Variants in PRKD1 observed in about 807,000 individuals in gnomAD.
PRKD1 encodes the protein serine/threonine-protein kinase D1.
PRKD1 carries 63 observed loss-of-function variants against 95.9 expected under a neutral mutation model. The ratio of observed to expected loss-of-function variants is 0.66; its 90% CI spans 0.54 to 0.81. The LOEUF is 0.81. Among genes scored for constraint, PRKD1 ranks in the 30% least tolerant of loss-of-function variants. PRKD1 has a pLI of 0.00. For missense variants in PRKD1, 1,048 were observed against 1,165.3 expected (o/e 0.90, Z 1.47); for synonymous variants, 425 against 423.1 (o/e 1.00, Z -0.05).
At chr14:29,826,895 C>A (rs1891220275) in intron 1 of PRKD1, among the ~76,000 whole-genome samples, 1 of 108,110 alleles carries the variant, frequency 9.2e-6, no homozygotes, top group African/African-American at 3.6e-5. Context: ...ACTACTCAGC[C>A]ATAAAAAGAA....
chr14:29,640,163 A>G (rs2139141798), intron 4 of PRKD1, among the ~76,000 whole-genome samples: 2 of 152,332 alleles, frequency 1.3e-5, no homozygotes, highest in South Asian at 2.1e-4. Context: ...ATCTAAGCTC[A>G]TAAAGTTTAA....
intron 16 of PRKD1, chr14:29,591,266 G>A (rs1893117487): frequency 1.3e-5 from 2 of 152,080 alleles, no homozygotes; most frequent in African/African-American, 4.8e-5. Flanking sequence ...ACATGAACAA[G>A]TTACATGTCC....
At chr14:29,621,475 TG>T (rs1486652896) in intron 13 of PRKD1, among the ~76,000 whole-genome samples, 1 of 152,002 alleles carries the variant, frequency 6.6e-6, no homozygotes, top group Non-Finnish European at 1.5e-5. Context: ...CATTTTCATT[TG>T]GGGGACATGA....
chr14:29,598,628 C>G lies in PRKD1; in HGVS notation c.2166+399G>C, dbSNP rs577348570. Among the ~76,000 whole-genome samples, 28 of 152,302 alleles carry G rather than the reference C, an allele frequency of 1.8e-4. No individual in the cohort carries two copies. In the South Asian group the frequency reaches 2.9e-3, roughly 16 times the overall value. ...TCACATCAGTCAAGTCACTTCAGAC[C>G]TATAATTCCCTGCGGAGATAGCTGG... On this transcript the variant is annotated intron_variant, in intron 15 of 17. Transcript: ENST00000331968.
intron 8 of PRKD1, among the ~76,000 whole-genome samples, chr14:29,633,579 A>G (rs377562186): frequency 2.6e-5 from 4 of 152,202 alleles, no homozygotes; most frequent in African/African-American, 7.2e-5. Context: ...CACTGTAGGT[A>G]TATCTTTCAG....
At chr14:29,723,138 A>G (rs376531967) in intron 2 of PRKD1, among the ~76,000 whole-genome samples, 2 of 152,226 alleles carry the variant, frequency 1.3e-5, no homozygotes. Context: ...ATGTATGTTA[A>G]CAAAACCAAG....
chr14:29,675,625 C>A (rs1053280036), intron 2 of PRKD1, among the ~76,000 whole-genome samples: 13 of 152,124 alleles, frequency 8.5e-5, no homozygotes, highest in Non-Finnish European at 4.4e-5. Flanking sequence ...CATCCCATTA[C>A]TGGGTATATA....
chr14:29,603,544 G>C (rs1168232148), intron 13 of PRKD1, among the ~76,000 whole-genome samples: 1 of 152,098 alleles, frequency 6.6e-6, no homozygotes, highest in East Asian at 1.9e-4. Flanking sequence ...CCATTTTCAT[G>C]TGTAATTATT....
At chr14:29,684,484 T>A (rs1459186352) in intron 2 of PRKD1, among the ~76,000 whole-genome samples, 1 of 152,244 alleles carries the variant, frequency 6.6e-6, no homozygotes, top group African/African-American at 2.4e-5. Flanking sequence ...GACATTGTTA[T>A]CACCTTTTAT....
intron 7 of PRKD1, among the ~76,000 whole-genome samples, chr14:29,635,416 T>C (rs1241992437): frequency 6.6e-6 from 1 of 152,170 alleles, no homozygotes; most frequent in Non-Finnish European, 1.5e-5. Context: ...GAAGTGTATG[T>C]CTTCAAAAGA....
intron 4 of PRKD1, among the ~76,000 whole-genome samples, chr14:29,655,360 A>C (rs1316704969): frequency 6.6e-6 from 1 of 152,190 alleles, no homozygotes; most frequent in Non-Finnish European, 1.5e-5. Context: ...TAGCTTATGA[A>C]TCAGAAATCT....
At chr14:29,775,960 A>C (rs1432472645) in intron 1 of PRKD1, among the ~76,000 whole-genome samples, 1 of 152,204 alleles carries the variant, frequency 6.6e-6, no homozygotes, top group East Asian at 1.9e-4. Context: ...CCAGAGGAAC[A>C]ATCAGGCAGC....
At chr14:29,619,213 C>G (rs1879079974) in intron 13 of PRKD1, among the ~76,000 whole-genome samples, 1 of 151,914 alleles carries the variant, frequency 6.6e-6, no homozygotes, top group Non-Finnish European at 1.5e-5. Context: ...AAGCCAACCC[C>G]ACTGCCATCC....
chr14:29,642,880 G>C (rs1282411261), intron 4 of PRKD1, among the ~76,000 whole-genome samples: 1 of 149,396 alleles, frequency 6.7e-6, no homozygotes, highest in African/African-American at 2.5e-5. Context: ...TTGGCCCCAT[G>C]TATTTGGTGA....
intron 1 of PRKD1, among the ~76,000 whole-genome samples, chr14:29,811,681 T>C (rs916415109): frequency 3.3e-4 from 50 of 152,172 alleles, no homozygotes; most frequent in Admixed American, 1.3e-3. Flanking sequence ...AGGTTGGGCT[T>C]GGGGTCCTCA....
rs114315926 is a variant in PRKD1 at position 29,631,956 on chromosome 14, C to T, written c.1392+913G>A. On this transcript the variant is annotated intron_variant, in intron 9 of 17. Coordinates refer to ENST00000331968, the MANE Select transcript of PRKD1 (RefSeq NM_002742.3). The stretch of plus-strand genomic sequence containing the variant: ...AGCTGAGATTACAGGTGCATCCCAT[C>T]ACGACTGGCTAATTTGTGTATTTTT... 5.0e-3 allele frequency among the ~76,000 whole-genome samples: 764 copies of T among 152,100 alleles called. 13 individuals carry two copies. Among genetic ancestry groups the T allele is most frequent in the African/African-American group, 0.017 (708 of 41,480 alleles).
At chr14:29,745,070 C>T (rs144709697) in intron 1 of PRKD1, among the ~76,000 whole-genome samples, 20 of 152,238 alleles carry the variant, frequency 1.3e-4, no homozygotes, top group African/African-American at 4.6e-4. Context: ...TCCACCACCC[C>T]GGGATTGCAA....
chr14:29,904,435 G>C (rs956867275), intron 1 of PRKD1, among the ~76,000 whole-genome samples: 2 of 152,072 alleles, frequency 1.3e-5, no homozygotes, highest in Non-Finnish European at 2.9e-5. Context: ...TTCCTCACCT[G>C]CAAAATAAGG....
At chr14:29,689,099 C>T (rs1255955836) in intron 2 of PRKD1, among the ~76,000 whole-genome samples, 1 of 150,924 alleles carries the variant, frequency 6.6e-6, no homozygotes, top group Non-Finnish European at 1.5e-5. Context: ...CAACAAAAGC[C>T]AAAAAATGAC....
Sources: allele counts gnomAD v4.1 joint callset (sites outside exome capture counted in the v4.1 genomes callset), GRCh38; gene constraint gnomAD v4.1.1; transcripts MANE v1.5; gene names NCBI Gene and HGNC (gene_info 2026-07-23, HGNC 2026-07-21).